The following FERMT2 variants were observed in gnomAD, a reference collection of about 807,000 sequenced individuals.
FERMT2 encodes the protein fermitin family homolog 2.
A neutral mutation model predicts 82.7 loss-of-function variants in FERMT2; 15 were observed. The observed-to-expected ratio is 0.18, with a 90% CI of 0.12 to 0.28. FERMT2 has a LOEUF of 0.28. Among genes scored for constraint, FERMT2 ranks in the 10% least tolerant of loss-of-function variants. The pLI is 1.00. For missense variants in FERMT2, 645 were observed against 809.4 expected (o/e 0.80, Z 2.46); for synonymous variants, 274 against 271.5 (o/e 1.01, Z -0.09).
intron 2 of FERMT2, among the ~76,000 whole-genome samples, chr14:52,949,653 T>C (rs926954853): frequency 1.3e-5 from 2 of 152,198 alleles, no homozygotes; most frequent in African/African-American, 2.4e-5. Context: ...TTCACACACT[T>C]CATACTGTAA....
chr14:52,877,407 G>C (rs1886025948), intron 7 of FERMT2, among the ~76,000 whole-genome samples: 1 of 152,022 alleles, frequency 6.6e-6, no homozygotes, highest in African/African-American at 2.4e-5. Flanking sequence ...TCACCAGAGA[G>C]TCAGAATTAT....
chr14:52,891,501 T>C (rs951531822), intron 4 of FERMT2, among the ~76,000 whole-genome samples: 1 of 152,174 alleles, frequency 6.6e-6, no homozygotes, highest in African/African-American at 2.4e-5. Context: ...TAGAAGACTT[T>C]TTACTGTGCC....
At chr14:52,912,801 T>A (rs1373386365) in intron 3 of FERMT2, among the ~76,000 whole-genome samples, 3 of 152,168 alleles carry the variant, frequency 2.0e-5, no homozygotes, top group African/African-American at 7.2e-5. Context: ...TGAGCCACCA[T>A]GCCTGGCCAT....
In FERMT2 at chr14:52,893,439, A is replaced by C. The variant is rs1371006014; in HGVS notation, c.392-12T>G. The C allele has an allele frequency of 6.4e-7, 1 of 1,572,654 alleles. No homozygotes were observed. The highest frequency in any genetic ancestry group is 2.0e-5 in the Admixed American group (1 of 51,058). ...GGGGTGTCTGATATCTGTTAATAAA[A>C]TAGATTGTTTTACTAGAACAAAGGA... On this transcript the variant is annotated splice_polypyrimidine_tract_variant and intron_variant, in intron 3 of 14. Coordinates refer to ENST00000341590, the MANE Select transcript of FERMT2 (RefSeq NM_006832.3).
chr14:52,927,924 C>A, intron 2 of FERMT2: 1 of 265,030 alleles, frequency 3.8e-6, no homozygotes, highest in Non-Finnish European at 8.0e-6. Flanking sequence ...CAGCCCAATA[C>A]CTCTTGGACT....
At chr14:52,863,297 ATTATAC>A (rs1258560679) in intron 12 of FERMT2, 9 of 152,004 alleles carry the variant, frequency 5.9e-5, no homozygotes, top group Middle Eastern at 3.4e-3. Context: ...TATAATAAAT[ATTATAC>A]TTAAAGTTAA....
chr14:52,903,130 A>G (rs574627401), intron 3 of FERMT2, among the ~76,000 whole-genome samples: 10 of 152,064 alleles, frequency 6.6e-5, no homozygotes, highest in Admixed American at 5.9e-4. Context: ...TAAAACCCTA[A>G]CCAGGCAGGG....
chr14:52,942,911 C>T (rs1202033531), intron 2 of FERMT2, among the ~76,000 whole-genome samples: 1 of 151,976 alleles, frequency 6.6e-6, no homozygotes, highest in Non-Finnish European at 1.5e-5. Context: ...TGAAAAAGAA[C>T]CTATAAAAAT....
chr14:52,881,910 T>C, intron 4 of FERMT2: 1 of 545,036 alleles, frequency 1.8e-6, no homozygotes, highest in South Asian at 2.0e-5. Context: ...GAAAAGAAAA[T>C]GAGAAAAAGA....
chr14:52,903,975 A>G (rs545896672), intron 3 of FERMT2, among the ~76,000 whole-genome samples: 8 of 152,360 alleles, frequency 5.3e-5, no homozygotes, highest in African/African-American at 1.9e-4. Context: ...TCATGTTGAA[A>G]ATTAAGGAGA....
chr14:52,914,850 G>T (rs1305799686), intron 3 of FERMT2, among the ~76,000 whole-genome samples: 1 of 152,162 alleles, frequency 6.6e-6, no homozygotes, highest in Non-Finnish European at 1.5e-5. Flanking sequence ...AATCCAGGAG[G>T]TGGAGGTTGC....
rs184454524 is a variant in FERMT2, at chr14:52,884,327, C to T, written c.527-2858G>A. 1.5e-3 allele frequency among the ~76,000 whole-genome samples: 226 copies of T among 152,284 alleles called. 1 individual carries two copies. Among genetic ancestry groups the T allele is most frequent in the African/African-American group, 5.1e-3 (213 of 41,570 alleles). Reference sequence around the variant, plus strand: ...CTATAAATCGGCCAGTCTGGGCAGGCGCGGTGGCTCAAGCCTGTAATCCCA... The same window carrying T: ...CTATAAATCGGCCAGTCTGGGCAGGTGCGGTGGCTCAAGCCTGTAATCCCA... On this transcript the variant is annotated intron_variant, in intron 4 of 14. Transcript: ENST00000341590.
intron 3 of FERMT2, among the ~76,000 whole-genome samples, chr14:52,902,560 A>G (rs532300009): frequency 6.6e-6 from 1 of 151,814 alleles, no homozygotes; most frequent in Admixed American, 6.6e-5. Flanking sequence ...ACAAACATCC[A>G]GATAGAAATA....
Position 52,861,071 on chromosome 14 carries a change from G to T in FERMT2, c.1603-606C>A. ...AATGCGAGGAAAGAAAAAGGAAGCA[G>T]AAAGAAAAAAAAAGGCAATCAGAAA... is the stretch of plus-strand genomic sequence containing the variant. On this transcript the variant is annotated intron_variant, in intron 12 of 14. Transcript: ENST00000341590. 1 of 1,466,856 alleles carries T rather than the reference G, an allele frequency of 6.8e-7. No homozygotes were observed. Among genetic ancestry groups the T allele is most frequent in the Non-Finnish European group, 9.0e-7 (1 of 1,112,006 alleles). The allele number at this position is 1,466,856 out of a possible 1,614,324, so 90.9% of individuals were successfully genotyped here.
At position 52,866,254 on chromosome 14, in the gene FERMT2, C is replaced by T. The variant is rs567259345; in HGVS notation, c.1274-1401G>A. On this transcript the variant is annotated intron_variant, in intron 10 of 14. Coordinates refer to ENST00000341590, the MANE Select transcript of FERMT2 (RefSeq NM_006832.3). ...ATGCCACCTCAGCTACCTACTTCCA[C>T]GGCAACCACTGGACTTCCTCAGTTA... is the stretch of plus-strand genomic sequence containing the variant. 3.0e-4 allele frequency among the ~76,000 whole-genome samples: 46 copies of T among 152,324 alleles called. No individual in the cohort carries two copies. The South Asian group carries it at 8.3e-3, about 27-fold the overall frequency.
chr14:52,860,097 G>A (rs537566966), intron 13 of FERMT2: 14 of 393,776 alleles, frequency 3.6e-5, no homozygotes, highest in African/African-American at 1.9e-4. Flanking sequence ...GATTACAGGC[G>A]TGAGCCACCG....
At chr14:52,932,248 C>T (rs1345450521) in intron 2 of FERMT2, among the ~76,000 whole-genome samples, 3 of 152,038 alleles carry the variant, frequency 2.0e-5, no homozygotes, top group Non-Finnish European at 4.4e-5. Context: ...GATAAAGTTA[C>T]GCAGAAGAGA....
intron 12 of FERMT2, chr14:52,863,206 C>T (rs1157965127): frequency 6.6e-6 from 1 of 151,794 alleles, no homozygotes; most frequent in Admixed American, 6.6e-5. Flanking sequence ...AATTTCTAGG[C>T]TTACACAACC....
chr14:52,922,199 C>A (rs1373967479), intron 2 of FERMT2, among the ~76,000 whole-genome samples: 1 of 152,194 alleles, frequency 6.6e-6, no homozygotes, highest in East Asian at 1.9e-4. Context: ...TCAGGGCATG[C>A]CTCAGAACTC....
Sources: allele counts gnomAD v4.1 joint callset (sites outside exome capture counted in the v4.1 genomes callset), GRCh38; gene constraint gnomAD v4.1.1; transcripts MANE v1.5; gene names NCBI Gene and HGNC (gene_info 2026-07-23, HGNC 2026-07-21).